RTN4IP1: variants seen among roughly 807,000 people sequenced by gnomAD.
RTN4IP1 encodes the protein reticulon 4 interacting protein 1.
Under a neutral mutation model 46.6 loss-of-function variants are expected in RTN4IP1, and 32 were observed. The ratio of observed to expected loss-of-function variants is 0.69; its 90% CI spans 0.52 to 0.92. RTN4IP1 has a LOEUF of 0.92. Among genes scored for constraint, RTN4IP1 ranks in the 40% least tolerant of loss-of-function variants. The probability of loss-of-function intolerance (pLI) is 0.00; values close to 1 mark genes in which losing one functional copy is unlikely to be tolerated. For missense variants in RTN4IP1, 424 were observed against 485.8 expected (o/e 0.87, Z 1.20); for synonymous variants, 167 against 161.8 (o/e 1.03, Z -0.24).
chr6:106,628,621 G>A (rs892981355), intron 1 of RTN4IP1, 127 bp downstream of exon 1: 4 of 879,886 alleles, frequency 4.5e-6, no homozygotes, highest in African/African-American at 1.7e-5. Context: ...AATATTTGCA[G>A]AGGTATTGTT....
Position 106,629,013 on chromosome 6 carries a change from A to C in RTN4IP1, c.9T>G (p.Phe3Leu), listed in dbSNP as rs536363063. Residue 3 changes from phenylalanine to leucine, a missense_variant, in exon 1 of 9, where the codon TTT becomes TTG. By Grantham distance (22) the Phe-to-Leu change is conservative (BLOSUM62 0). Coordinates refer to ENST00000369063, the MANE Select transcript of RTN4IP1 (RefSeq NM_032730.5). Reference sequence around the variant, plus strand: ...TTCTTCTAAGTACACAAGTCTTCAGAAATTCCATTGTAAACACTGGTTGAA... The same window carrying C: ...TTCTTCTAAGTACACAAGTCTTCAGCAATTCCATTGTAAACACTGGTTGAA... The part of the protein sequence containing the change: ME[F>L]LKTCVLRRNA... 3.7e-6 allele frequency: 6 copies of C among 1,610,368 alleles called. No individual in the cohort carries two copies. The Admixed American group carries it at 1.0e-4, about 27-fold the overall frequency.
chr6:106,596,520 T>G (rs529996039), intron 5 of RTN4IP1, among the ~76,000 whole-genome samples: 1 of 152,162 alleles, frequency 6.6e-6, no homozygotes, highest in Non-Finnish European at 1.5e-5. Context: ...GAGGTTGAGG[T>G]TGCAGTGAGC....
upstream of RTN4IP1, chr6:106,629,816 C>G: frequency 7.5e-7 from 1 of 1,329,988 alleles, no homozygotes; most frequent in Non-Finnish European, 1.0e-6. Flanking sequence ...TCGCTGCTTC[C>G]TCTAGAACTG....
intron 8 of RTN4IP1, among the ~76,000 whole-genome samples, chr6:106,576,888 T>C (rs1316755099): frequency 1.3e-5 from 2 of 152,180 alleles, no homozygotes; most frequent in Non-Finnish European, 2.9e-5. Context: ...GACCAACACA[T>C]TTCTCCACCA....
chr6:106,592,039 T>C (rs969021792), intron 6 of RTN4IP1, 125 bp downstream of exon 6: 51 of 998,040 alleles, frequency 5.1e-5, no homozygotes, highest in Non-Finnish European at 7.2e-5. Flanking sequence ...TCTAGTGACA[T>C]GGAATGTTTT....
In RTN4IP1 at chr6:106,592,313, A is replaced by G; in HGVS notation, c.670-13T>C. ...ATGCTTTCATTACCTGCCCCCCACCAAAAAGAAAAAAAGAATAAAAAAGGG... is the reference window on the plus strand; with the variant it reads ...ATGCTTTCATTACCTGCCCCCCACCGAAAAGAAAAAAAGAATAAAAAAGGG... On this transcript the variant is annotated splice_polypyrimidine_tract_variant and intron_variant, in intron 5 of 8. Coordinates refer to ENST00000369063, the MANE Select transcript of RTN4IP1 (RefSeq NM_032730.5). 2.5e-6 allele frequency: 4 copies of G among 1,599,192 alleles called. No individual in the cohort carries two copies. Among genetic ancestry groups the G allele is most frequent in the African/African-American group, 1.4e-5 (1 of 73,786 alleles).
chr6:106,610,974 C>T (rs1582380367), intron 4 of RTN4IP1, among the ~76,000 whole-genome samples: 1 of 151,820 alleles, frequency 6.6e-6, no homozygotes, highest in East Asian at 1.9e-4. Context: ...ATTTGGGCAC[C>T]TAAGCCCTCT....
At chr6:106,611,059 A>C (rs1012330792) in intron 4 of RTN4IP1, among the ~76,000 whole-genome samples, 13 of 151,788 alleles carry the variant, frequency 8.6e-5, no homozygotes, top group African/African-American at 2.2e-4. Context: ...AAAAAAAAAA[A>C]CAAAAACACG....
chr6:106,596,415 G>A (rs1160655886), intron 5 of RTN4IP1, among the ~76,000 whole-genome samples: 4 of 152,028 alleles, frequency 2.6e-5, no homozygotes, highest in East Asian at 1.9e-4. Flanking sequence ...AGACCCCATC[G>A]CTACAAAAAC....
chr6:106,623,615 A>C (rs368292819), intron 1 of RTN4IP1, among the ~76,000 whole-genome samples: 2 of 152,346 alleles, frequency 1.3e-5, no homozygotes, highest in Admixed American at 6.5e-5. Context: ...TTTAAAAAAA[A>C]TTTACTTGGA....
intron 8 of RTN4IP1, among the ~76,000 whole-genome samples, chr6:106,581,054 GA>G: frequency 6.6e-6 from 1 of 150,950 alleles, no homozygotes; most frequent in Admixed American, 6.6e-5. Flanking sequence ...AGAGAGAGAG[GA>G]AAAAAATTAT....
chr6:106,592,690 G>A (rs142599225), intron 5 of RTN4IP1, among the ~76,000 whole-genome samples: 2,934 of 152,228 alleles, frequency 0.019, 76 homozygotes, highest in African/African-American at 0.068. Context: ...TTGGGAGGCC[G>A]AGACAGGTGG....
intron 8 of RTN4IP1, among the ~76,000 whole-genome samples, chr6:106,574,059 A>AT (rs1775157283): frequency 6.6e-6 from 1 of 152,176 alleles, no homozygotes; most frequent in South Asian, 2.1e-4. Flanking sequence ...GACGAAGCCT[A>AT]TTTGTCTTCT....
chr6:106,597,795 C>G (rs538727996), intron 5 of RTN4IP1, among the ~76,000 whole-genome samples: 1 of 151,796 alleles, frequency 6.6e-6, no homozygotes, highest in East Asian at 1.9e-4. Flanking sequence ...GCTGCACCCA[C>G]TAACTCGTCA....
At chr6:106,627,069 ATTATT>A (rs1776667983) in intron 1 of RTN4IP1, among the ~76,000 whole-genome samples, 1 of 152,066 alleles carries the variant, frequency 6.6e-6, no homozygotes. Context: ...TCTTCTACTC[ATTATT>A]TTATTTCCCC....
chr6:106,596,400 C>G lies in RTN4IP1; in HGVS notation c.670-4100G>C, dbSNP rs59524987. Among the ~76,000 whole-genome samples the G allele has an allele frequency of 2.9e-3, 442 of 152,178 alleles. 3 individuals are homozygous for G. Among genetic ancestry groups the G allele is most frequent in the African/African-American group, 0.01 (430 of 41,508 alleles). On this transcript the variant is annotated intron_variant, in intron 5 of 8. Coordinates refer to ENST00000369063, the MANE Select transcript of RTN4IP1 (RefSeq NM_032730.5). ...GAATTTGAGACCAGCCCAGGCAACA[C>G]AGCAAGACCCCATCGCTACAAAAAC... is the stretch of plus-strand genomic sequence containing the variant.
intron 5 of RTN4IP1, among the ~76,000 whole-genome samples, chr6:106,597,907 C>A (rs1334336602): frequency 1.3e-5 from 2 of 152,014 alleles, no homozygotes; most frequent in Non-Finnish European, 2.9e-5. Flanking sequence ...CATGTGATCT[C>A]ATTGTTCAAT....
intron 4 of RTN4IP1, among the ~76,000 whole-genome samples, chr6:106,605,596 G>A (rs1463687985): frequency 6.6e-5 from 10 of 151,660 alleles, no homozygotes; most frequent in East Asian, 1.9e-4. Context: ...GGCAGATCAC[G>A]AGGTCAGGAG....
chr6:106,581,356 G>T (rs1157739991), intron 8 of RTN4IP1, among the ~76,000 whole-genome samples: 1 of 152,178 alleles, frequency 6.6e-6, no homozygotes, highest in East Asian at 1.9e-4. Flanking sequence ...CCAAAGCTTG[G>T]AAGAATTTAA....
Sources: allele counts gnomAD v4.1 joint callset (sites outside exome capture counted in the v4.1 genomes callset), GRCh38; gene constraint gnomAD v4.1.1; transcripts MANE v1.5; gene names NCBI Gene and HGNC (gene_info 2026-07-23, HGNC 2026-07-21).